The following CNTN6 variants were observed in gnomAD, a reference collection of about 807,000 sequenced individuals.
The protein encoded by CNTN6 is contactin-6.
A neutral mutation model predicts 122.8 loss-of-function variants in CNTN6; 137 were observed. That is an observed-to-expected ratio of 1.12 (90% CI 0.97 to 1.29). CNTN6 has a LOEUF of 1.29. Ranked by LOEUF, CNTN6 falls within the 50% of genes most tolerant of loss-of-function variation. The pLI, the probability that CNTN6 is intolerant of heterozygous loss-of-function variation, is 0.00. For missense variants in CNTN6, 1,634 were observed against 1,223.4 expected (o/e 1.34, Z -5.01); for synonymous variants, 570 against 426.0 (o/e 1.34, Z -4.16).
chr3:1,301,780 G>A (rs898728634), intron 7 of CNTN6, among the ~76,000 whole-genome samples: 2 of 152,152 alleles, frequency 1.3e-5, no homozygotes, highest in East Asian at 3.9e-4. Flanking sequence ...TTGTGTAGTT[G>A]GAGTGCAGAT....
chr3:1,199,982 T>C (rs996456491), intron 2 of CNTN6, among the ~76,000 whole-genome samples: 1 of 152,196 alleles, frequency 6.6e-6, no homozygotes, highest in African/African-American at 2.4e-5. Flanking sequence ...AAAATTAAGA[T>C]AAAGGCCTAC....
chr3:1,099,290 A>C (rs1209298916), intron 1 of CNTN6, among the ~76,000 whole-genome samples: 1 of 151,808 alleles, frequency 6.6e-6, no homozygotes, highest in African/African-American at 2.4e-5. Flanking sequence ...TCTCTACCAA[A>C]AATACAAAAA....
At chr3:1,207,424 A>G (rs558360967) in intron 2 of CNTN6, among the ~76,000 whole-genome samples, 1 of 152,232 alleles carries the variant, frequency 6.6e-6, no homozygotes, top group South Asian at 2.1e-4. Flanking sequence ...CAATGCTTTC[A>G]GTCTCAGGGG....
At chr3:1,360,767 C>A (rs1318704320) in intron 12 of CNTN6, among the ~76,000 whole-genome samples, 4 of 151,986 alleles carry the variant, frequency 2.6e-5, no homozygotes, top group African/African-American at 9.7e-5. Context: ...ATTCAACAGC[C>A]TATTTTATCA....
Position 1,147,917 on chromosome 3 carries a change from T to C in CNTN6, c.-82-10T>C. On this transcript the variant is annotated splice_polypyrimidine_tract_variant and intron_variant, in intron 1 of 22. Coordinates refer to ENST00000446702, the MANE Select transcript of CNTN6 (RefSeq NM_001289080.2). ...CGTTTTTCATTTCATGACAATTTTG[T>C]CTTTTTCAGACTCTTGAGATACTGA... 1 of 812,690 alleles carries C rather than the reference T, an allele frequency of 1.2e-6. No individual in the cohort carries two copies. The highest frequency in any genetic ancestry group is 1.7e-5 in the South Asian group (1 of 57,652). The allele number at this position is 812,690 out of a possible 1,614,324, so 50.3% of individuals were successfully genotyped here.
At chr3:1,361,242 G>A (rs184086635) in intron 12 of CNTN6, among the ~76,000 whole-genome samples, 87 of 152,224 alleles carry the variant, frequency 5.7e-4, no homozygotes, top group African/African-American at 2.1e-3. Context: ...ACCAACTGTT[G>A]ATAAATGTTA....
chr3:1,094,258 G>C (rs1229219265), intron 1 of CNTN6, among the ~76,000 whole-genome samples: 1 of 152,056 alleles, frequency 6.6e-6, no homozygotes, highest in African/African-American at 2.4e-5. Flanking sequence ...TGTTTAAGCA[G>C]ACTCTTTTTC....
intron 2 of CNTN6, among the ~76,000 whole-genome samples, chr3:1,198,472 C>A (rs1168782972): frequency 6.6e-6 from 1 of 152,116 alleles, no homozygotes; most frequent in Admixed American, 6.5e-5. Context: ...CCTGTAATCT[C>A]AGGGCTTTGG....
intron 7 of CNTN6, among the ~76,000 whole-genome samples, chr3:1,307,690 C>T (rs988778986): frequency 6.6e-6 from 1 of 152,222 alleles, no homozygotes; most frequent in South Asian, 2.1e-4. Flanking sequence ...GTAGCAGAAT[C>T]TCAGACATTT....
At chr3:1,401,387 A>G (rs775976382) in intron 20 of CNTN6, 46 bp from the exon 21 acceptor site, 5 of 1,486,328 alleles carry the variant, frequency 3.4e-6, no homozygotes, top group Non-Finnish European at 3.7e-6. Flanking sequence ...TACTTTGACC[A>G]TGAGCTAATT....
intron 1 of CNTN6, among the ~76,000 whole-genome samples, chr3:1,112,823 C>A (rs1457018964): frequency 6.6e-6 from 1 of 152,064 alleles, no homozygotes; most frequent in East Asian, 1.9e-4. Flanking sequence ...GCCAGACTCC[C>A]AGGCAGGTCA....
intron 2 of CNTN6, among the ~76,000 whole-genome samples, chr3:1,208,795 A>G (rs938827395): frequency 1.6e-5 from 2 of 124,598 alleles, no homozygotes; most frequent in Non-Finnish European, 3.5e-5. Flanking sequence ...CAAATAAGAT[A>G]ATTCATATTA....
chr3:1,317,205 G>T (rs545368705), intron 7 of CNTN6, among the ~76,000 whole-genome samples: 1 of 151,756 alleles, frequency 6.6e-6, no homozygotes, highest in Non-Finnish European at 1.5e-5. Flanking sequence ...TTATTTAAAA[G>T]GTTTTTATCA....
At chr3:1,368,235 C>T (rs898840154) in intron 12 of CNTN6, among the ~76,000 whole-genome samples, 1 of 152,052 alleles carries the variant, frequency 6.6e-6, no homozygotes, top group Non-Finnish European at 1.5e-5. Flanking sequence ...TCATGAAGTC[C>T]CTTTCAATTT....
At chr3:1,188,901 A>T (rs987489147) in intron 2 of CNTN6, among the ~76,000 whole-genome samples, 2 of 152,102 alleles carry the variant, frequency 1.3e-5, no homozygotes, top group East Asian at 3.9e-4. Context: ...TTTTCTGTAC[A>T]CATGTGTGAT....
chr3:1,121,382 G>T (rs539632210), intron 1 of CNTN6, among the ~76,000 whole-genome samples: 6 of 151,886 alleles, frequency 4.0e-5, no homozygotes, highest in East Asian at 1.9e-4. Context: ...CCTTTATAAG[G>T]TCTTTGTGTT....
intron 7 of CNTN6, among the ~76,000 whole-genome samples, chr3:1,320,046 A>T (rs1409356196): frequency 6.6e-6 from 1 of 151,626 alleles, no homozygotes; most frequent in Non-Finnish European, 1.5e-5. Context: ...TTAGTATGCC[A>T]TAAAATGAAT....
intron 12 of CNTN6, among the ~76,000 whole-genome samples, chr3:1,364,931 A>T (rs1559929526): frequency 6.6e-6 from 1 of 151,974 alleles, no homozygotes; most frequent in East Asian, 1.9e-4. Flanking sequence ...TAAATATTAA[A>T]ATTCTGTGGT....
chr3:1,148,481 T>C (rs1168367582), intron 2 of CNTN6, among the ~76,000 whole-genome samples: 1 of 152,002 alleles, frequency 6.6e-6, no homozygotes, highest in Non-Finnish European at 1.5e-5. Context: ...TGTTTAGAAA[T>C]TGATATGGCA....
Sources: allele counts gnomAD v4.1 joint callset (sites outside exome capture counted in the v4.1 genomes callset), GRCh38; gene constraint gnomAD v4.1.1; transcripts MANE v1.5; gene names NCBI Gene and HGNC (gene_info 2026-07-23, HGNC 2026-07-21).